The following NCALD variants were observed in gnomAD, a reference collection of about 807,000 sequenced individuals.
NCALD encodes the protein neurocalcin-delta.
NCALD carries 10 observed loss-of-function variants against 18.6 expected under a neutral mutation model. The observed-to-expected ratio is 0.54, with a 90% CI of 0.33 to 0.91. The LOEUF (loss-of-function observed/expected upper bound fraction) is 0.91. Ranked by LOEUF, NCALD falls within the 40% of genes least tolerant of loss-of-function variation. The probability of loss-of-function intolerance (pLI) is 0.03; values close to 1 mark genes in which losing one functional copy is unlikely to be tolerated. For missense variants in NCALD, 184 were observed against 247.6 expected (o/e 0.74, Z 1.72); for synonymous variants, 88 against 87.4 (o/e 1.01, Z -0.04).
intron 4 of NCALD, among the ~76,000 whole-genome samples, chr8:101,853,794 A>C (rs78044983): frequency 6.6e-6 from 1 of 152,076 alleles, no homozygotes; most frequent in Non-Finnish European, 1.5e-5. Flanking sequence ...CTCAAGAGAC[A>C]ATTGACTTCC....
chr8:101,753,865 C>G (rs1017013910), intron 1 of NCALD, among the ~76,000 whole-genome samples: 9 of 152,156 alleles, frequency 5.9e-5, no homozygotes, highest in African/African-American at 2.2e-4. Context: ...TTAGCCAATC[C>G]TGGAAGCACT....
At chr8:101,918,168 TTCATTCAACACATG>T (rs1818036628) in intron 2 of NCALD, among the ~76,000 whole-genome samples, 1 of 152,036 alleles carries the variant, frequency 6.6e-6, no homozygotes, top group Non-Finnish European at 1.5e-5. Context: ...AGGTGTAAGG[TTCATTCAACACATG>T]CAAATCAATA....
At chr8:101,718,764 T>G (rs1259587245) in intron 2 of NCALD, among the ~76,000 whole-genome samples, 1 of 152,216 alleles carries the variant, frequency 6.6e-6, no homozygotes, top group Non-Finnish European at 1.5e-5. Flanking sequence ...GAAGGGGTGT[T>G]GGAGATGCCT....
rs1408888552 is a variant in NCALD at position 101,986,968 on chromosome 8, C to T, written c.-157+33269G>A. The stretch of plus-strand genomic sequence containing the variant: ...ATGCCCTGCTAGATATGCTGGGGGT[C>T]CCCGGAATCACACCTGCATAGGACA... On this transcript the variant is annotated intron_variant, in intron 2 of 6. Transcript: ENST00000311028. Among the ~76,000 whole-genome samples the T allele has an allele frequency of 2.6e-5, 4 of 152,172 alleles. No homozygotes were observed. The East Asian group carries it at 7.7e-4, about 29-fold the overall frequency.
chr8:101,689,393 C>G lies in NCALD; in HGVS notation c.498G>C (p.Leu166=), dbSNP rs1479665771. ...TTTTGGCTCCTCGGATGAACTCTTC[C>G]AGGGAGAGTTTTCCTAGGAAGCAAG... ...MDTNRDGKLS[L]EEFIRGAKSD... Residue 166 remains leucine, a synonymous_variant, in exon 4 of 4, where the codon CTG becomes CTC. Transcript: ENST00000220931. The surrounding 1 kb of genome is among the most constrained non-coding windows in gnomAD (Gnocchi z 4.4). 1 of 1,607,572 alleles carries G rather than the reference C, an allele frequency of 6.2e-7. No homozygotes were observed. The highest frequency in any genetic ancestry group is 1.7e-5 in the Admixed American group (1 of 59,258).
intron 2 of NCALD, among the ~76,000 whole-genome samples, chr8:101,716,141 A>G (rs1429064931): frequency 1.3e-5 from 2 of 152,236 alleles, no homozygotes; most frequent in African/African-American, 2.4e-5. Context: ...TGTAGCCACA[A>G]AAAAAGAATA....
intron 3 of NCALD, among the ~76,000 whole-genome samples, chr8:101,903,524 G>A (rs546896801): frequency 3.3e-5 from 5 of 152,142 alleles, no homozygotes; most frequent in Non-Finnish European, 5.9e-5. Context: ...CTGTGCTTTT[G>A]TGTTGGGGCG....
chr8:102,007,360 C>T (rs1329766005), intron 2 of NCALD, among the ~76,000 whole-genome samples: 2 of 152,128 alleles, frequency 1.3e-5, no homozygotes, highest in Non-Finnish European at 2.9e-5. Context: ...TAAAATTATT[C>T]CAAGATAAAA....
At chr8:101,809,480 C>G (rs552453398) in intron 4 of NCALD, among the ~76,000 whole-genome samples, 8 of 152,244 alleles carry the variant, frequency 5.3e-5, no homozygotes, top group Admixed American at 3.9e-4. Flanking sequence ...TATTATTTTT[C>G]CATCAACAGC....
intron 2 of NCALD, among the ~76,000 whole-genome samples, chr8:101,713,284 G>C (rs1815898350): frequency 6.6e-6 from 1 of 152,190 alleles, no homozygotes; most frequent in African/African-American, 2.4e-5. Context: ...GCAGTGTTTA[G>C]AGGGAAATTT....
intron 2 of NCALD, 118 bp downstream of exon 2, chr8:101,719,134 A>C: frequency 8.1e-7 from 1 of 1,239,478 alleles, no homozygotes; most frequent in Non-Finnish European, 1.1e-6. Flanking sequence ...GGGTGGGCCA[A>C]ATGAAGTGTC....
intron 4 of NCALD, among the ~76,000 whole-genome samples, chr8:101,880,565 C>T (rs751434366): frequency 2.0e-5 from 3 of 152,230 alleles, no homozygotes; most frequent in Non-Finnish European, 4.4e-5. Flanking sequence ...CACGCTGTCA[C>T]CTCTCACTGG....
At chr8:102,016,540 G>A (rs774768225) in intron 2 of NCALD, among the ~76,000 whole-genome samples, 7 of 152,120 alleles carry the variant, frequency 4.6e-5, no homozygotes, top group Non-Finnish European at 1.0e-4. Context: ...AAACCCTCTG[G>A]CATGCCAAGC....
intron 4 of NCALD, among the ~76,000 whole-genome samples, chr8:101,804,300 A>G (rs1023281949): frequency 1.5e-5 from 2 of 135,174 alleles, no homozygotes; most frequent in African/African-American, 5.3e-5. Flanking sequence ...ACTATTATAT[A>G]TAATTATATC....
intron 4 of NCALD, among the ~76,000 whole-genome samples, chr8:101,865,593 T>G (rs1160361053): frequency 6.6e-6 from 1 of 151,822 alleles, no homozygotes; most frequent in Non-Finnish European, 1.5e-5. Context: ...GTTCCCTTTC[T>G]CCTCTCTCTC....
chr8:102,077,737 C>T (rs1383649922), intron 1 of NCALD, among the ~76,000 whole-genome samples: 2 of 152,140 alleles, frequency 1.3e-5, no homozygotes, highest in Non-Finnish European at 2.9e-5. Context: ...GGCCCTACAC[C>T]TTGGTGGGCC....
rs1387668457 is a variant in NCALD, at chr8:102,072,497, G to A, written c.-210+51740C>T. The stretch of plus-strand genomic sequence containing the variant: ...AAAAATGACAGTATCATCTGGCTAA[G>A]TTTAACACAAAGACAACAACAGAGT... On this transcript the variant is annotated intron_variant, in intron 1 of 6. Coordinates refer to the NCALD transcript ENST00000311028. Among the ~76,000 whole-genome samples, 6 of 152,112 alleles carry A rather than the reference G, an allele frequency of 3.9e-5. No individual in the cohort carries two copies. In the East Asian group the frequency reaches 1.2e-3, roughly 29 times the overall value.
At chr8:101,824,216 A>AT (rs1813838294) in intron 4 of NCALD, among the ~76,000 whole-genome samples, 2 of 152,184 alleles carry the variant, frequency 1.3e-5, no homozygotes. Context: ...TACTGGCAGT[A>AT]TTTGTTACTA....
chr8:101,979,293 A>G (rs1269882046), intron 2 of NCALD, among the ~76,000 whole-genome samples: 9 of 152,214 alleles, frequency 5.9e-5, no homozygotes, highest in Non-Finnish European at 1.3e-4. Context: ...CCCTCAAAGT[A>G]TGGCGAAGAA....
Sources: gnomAD v4.1 joint callset for allele counts (sites outside exome capture counted in the v4.1 genomes callset) on GRCh38, gnomAD v4.1.1 for gene constraint, Gnocchi (gnomAD v3.1) non-coding constraint, MANE v1.5 for transcripts, NCBI Gene and HGNC (gene_info 2026-07-23, HGNC 2026-07-21) for gene names.